Variants in APBB2 observed in about 807,000 individuals in gnomAD.
The protein encoded by APBB2 is Fe65-like 1.
In APBB2, 38 loss-of-function variants were observed where a neutral mutation model predicts 82.5. The observed-to-expected ratio is 0.46, with a 90% CI of 0.36 to 0.60. APBB2 has a LOEUF of 0.60. Ranked by LOEUF, APBB2 falls within the 20% of genes least tolerant of loss-of-function variation. The probability of loss-of-function intolerance (pLI) is 0.00; values close to 1 mark genes in which losing one functional copy is unlikely to be tolerated. For synonymous variants in APBB2, 341 were observed against 368.2 expected (o/e 0.93, Z 0.85); for missense variants, 772 against 972.3 (o/e 0.79, Z 2.74).
At chr4:40,847,561 T>C (rs949980247) in intron 12 of APBB2, among the ~76,000 whole-genome samples, 2 of 152,120 alleles carry the variant, frequency 1.3e-5, no homozygotes, top group African/African-American at 4.8e-5. Context: ...GCAGGGAAAA[T>C]GACAGCACAG....
chr4:41,131,320 T>C (rs78300182), intron 2 of APBB2, among the ~76,000 whole-genome samples: 3,917 of 152,314 alleles, frequency 0.026, 120 homozygotes, highest in African/African-American at 0.07. Flanking sequence ...TTGATTACCC[T>C]GAATTTTTAA....
At chr4:41,012,200 T>C (rs1391568589) in intron 6 of APBB2, among the ~76,000 whole-genome samples, 1 of 152,138 alleles carries the variant, frequency 6.6e-6, no homozygotes, top group African/African-American at 2.4e-5. Context: ...GAACCGGCTA[T>C]ACCAGGAAGA....
At chr4:41,160,219 G>T (rs950227348) in intron 1 of APBB2, among the ~76,000 whole-genome samples, 9 of 152,160 alleles carry the variant, frequency 5.9e-5, no homozygotes, top group Non-Finnish European at 1.2e-4. Flanking sequence ...CCTGGACAGG[G>T]AAGACAAGGG....
intron 6 of APBB2, among the ~76,000 whole-genome samples, chr4:41,008,258 C>G (rs574854018): frequency 2.1e-4 from 32 of 152,332 alleles, no homozygotes; most frequent in African/African-American, 6.0e-4. Context: ...TGTAAACCCA[C>G]AGAATCTCAG....
chr4:40,922,628 TGAGATAG>T (rs33973562), intron 10 of APBB2, among the ~76,000 whole-genome samples: 2,895 of 152,288 alleles, frequency 0.019, 79 homozygotes, highest in African/African-American at 0.062. Flanking sequence ...ACTTATTTTT[TGAGATAG>T]GATCTGGTTC....
intron 6 of APBB2, among the ~76,000 whole-genome samples, chr4:40,982,334 G>A (rs28764845): frequency 0.18 from 2,029 of 11,182 alleles, 604 homozygotes; most frequent in South Asian, 0.29. Flanking sequence ...AAAGAAAGAA[G>A]GAAGGAAGGA....
At chr4:41,059,554 C>T (rs13145390) in intron 4 of APBB2, among the ~76,000 whole-genome samples, 1 of 152,178 alleles carries the variant, frequency 6.6e-6, no homozygotes, top group Non-Finnish European at 1.5e-5. Flanking sequence ...CCGCCCAGGG[C>T]GGAAAACCGC....
In APBB2 at chr4:41,065,751, T is replaced by C. The variant is rs1349263201; in HGVS notation, c.-148-78A>G. On this transcript the variant is annotated intron_variant, in intron 3 of 17. Transcript: ENST00000508593. ...AATGACAGCTTTTTTTTTTTTTTTT[T>C]CATTAAAATGCTAATGATGACCACA... 2.3e-5 allele frequency: 3 copies of C among 130,866 alleles called. No individual in the cohort carries two copies. The East Asian group carries it at 6.8e-4, about 30-fold the overall frequency. The allele number at this position is 130,866 out of a possible 1,614,324, so 8.1% of individuals were successfully genotyped here.
At chr4:40,837,545 T>C (rs1246714309) in intron 12 of APBB2, among the ~76,000 whole-genome samples, 1 of 152,182 alleles carries the variant, frequency 6.6e-6, no homozygotes. Context: ...AGCTTCTAGA[T>C]TCCCAGGAAC....
At chr4:41,012,217 G>C (rs944444405) in intron 6 of APBB2, among the ~76,000 whole-genome samples, 1 of 152,206 alleles carries the variant, frequency 6.6e-6, no homozygotes, top group African/African-American at 2.4e-5. Context: ...AAGAGCAGCA[G>C]AAAGGGTGCC....
rs1784904879 is a variant in APBB2, at chr4:40,934,384, T to C, written c.1254+72A>G. ...CTCTGGGTTGATGGTTTGTAAAAAC[T>C]GGACAATGATCCAAAGTCATTATTT... On this transcript the variant is annotated intron_variant, in intron 10 of 17. Transcript: ENST00000508593. 2.8e-6 allele frequency: 4 copies of C among 1,453,672 alleles called. No homozygotes were observed. The African/African-American group carries it at 4.2e-5, about 15-fold the overall frequency. 90.0% of individuals were successfully genotyped at this position (1,453,672 alleles called of 1,614,324 possible).
At chr4:41,161,684 AT>A (rs1223344795) in intron 1 of APBB2, among the ~76,000 whole-genome samples, 2 of 152,212 alleles carry the variant, frequency 1.3e-5, no homozygotes, top group African/African-American at 4.8e-5. Flanking sequence ...CCAACTTCTT[AT>A]TTACTCAGGA....
chr4:41,031,978 C>T (rs1038926620), intron 5 of APBB2, among the ~76,000 whole-genome samples: 20 of 152,162 alleles, frequency 1.3e-4, no homozygotes, highest in South Asian at 2.1e-4. Context: ...AGCTCTAAGA[C>T]ACTGATATTC....
At chr4:41,064,130 C>T (rs779365363) in intron 4 of APBB2, among the ~76,000 whole-genome samples, 5 of 151,934 alleles carry the variant, frequency 3.3e-5, no homozygotes, top group Admixed American at 6.6e-5. Context: ...AGGCACCCGC[C>T]CCCACACCTG....
intron 6 of APBB2, among the ~76,000 whole-genome samples, chr4:41,006,919 G>A (rs1806919066): frequency 6.6e-6 from 1 of 152,154 alleles, no homozygotes; most frequent in African/African-American, 2.4e-5. Flanking sequence ...GCTAGCTAAA[G>A]CCAGAAATAA....
intron 13 of APBB2, among the ~76,000 whole-genome samples, chr4:40,827,912 T>A (rs1750503216): frequency 6.6e-6 from 1 of 152,156 alleles, no homozygotes; most frequent in South Asian, 2.1e-4. Context: ...CTGGTGGAGA[T>A]AACTGAATCA....
At chr4:41,001,334 T>C (rs528583495) in intron 6 of APBB2, among the ~76,000 whole-genome samples, 2 of 152,342 alleles carry the variant, frequency 1.3e-5, no homozygotes, top group South Asian at 2.1e-4. Flanking sequence ...TACACCATCA[T>C]GTATATGAGA....
intron 11 of APBB2, chr4:40,892,742 G>A (rs1772411039): frequency 6.6e-6 from 1 of 152,188 alleles, no homozygotes; most frequent in Admixed American, 6.5e-5. Flanking sequence ...ATTTCAAAAT[G>A]GAATCACTCT....
chr4:40,957,768 G>C (rs1332102359), intron 6 of APBB2, among the ~76,000 whole-genome samples: 1 of 151,998 alleles, frequency 6.6e-6, no homozygotes, highest in Non-Finnish European at 1.5e-5. Flanking sequence ...AGTTTTAGTA[G>C]AGATGGGGTT....
Sources: gnomAD v4.1 joint callset for allele counts (sites outside exome capture counted in the v4.1 genomes callset) on GRCh38, gnomAD v4.1.1 for gene constraint, MANE v1.5 for transcripts, NCBI Gene and HGNC (gene_info 2026-07-23, HGNC 2026-07-21) for gene names.